The following EML5 variants were observed in gnomAD, a reference collection of about 807,000 sequenced individuals.
EML5 encodes EMAP like 5.
In EML5, 120 loss-of-function variants were observed where a neutral mutation model predicts 250.0. The observed-to-expected ratio is 0.48, with a 90% CI of 0.41 to 0.56. The LOEUF is 0.56. Among genes scored for constraint, EML5 ranks in the 20% least tolerant of loss-of-function variants. The pLI, the probability that EML5 is intolerant of heterozygous loss-of-function variation, is 0.00. For synonymous variants in EML5, 771 were observed against 806.5 expected (o/e 0.96, Z 0.75); for missense variants, 2,006 against 2,437.6 (o/e 0.82, Z 3.73).
rs2087244616 is a variant in EML5, at chr14:88,614,172, A to G, written c.*1646T>C. On this transcript the variant is annotated 3_prime_UTR_variant, in exon 44 of 44. Transcript: ENST00000554922. Reference sequence around the variant, plus strand: ...ACTGCAGCAGGCTCAAATGTAGAGTATTTTTCTTTTTATGGGCAGGTTGTT... The same window carrying G: ...ACTGCAGCAGGCTCAAATGTAGAGTGTTTTTCTTTTTATGGGCAGGTTGTT... 1 of 152,170 alleles carries G rather than the reference A, an allele frequency of 6.6e-6. No individual in the cohort carries two copies. Among genetic ancestry groups the G allele is most frequent in the African/African-American group, 2.4e-5 (1 of 41,446 alleles). The allele number at this position is 152,170 out of a possible 1,614,324, so 9.4% of individuals were successfully genotyped here.
rs776185222 is a variant in EML5 at position 88,712,077 on chromosome 14, T to C, written c.1657+194A>G. On this transcript the variant is annotated intron_variant, in intron 10 of 43. Transcript: ENST00000554922. ...TAACAACATATGAATTCAAAAAGAA[T>C]TTTCTAATAAAACTTCATGACCAAA... Among the ~76,000 whole-genome samples the C allele has an allele frequency of 9.2e-5, 14 of 152,306 alleles. No homozygotes were observed. In the East Asian group the frequency reaches 2.3e-3, roughly 25 times the overall value.
chr14:88,700,834 T>C (rs1015769420), intron 14 of EML5, among the ~76,000 whole-genome samples: 5 of 152,174 alleles, frequency 3.3e-5, no homozygotes, highest in African/African-American at 1.2e-4. Flanking sequence ...TGTGTTAATA[T>C]ATAGGATAAC....
At chr14:88,691,337 T>C (rs758186033) in intron 17 of EML5, among the ~76,000 whole-genome samples, 5 of 152,206 alleles carry the variant, frequency 3.3e-5, no homozygotes, top group Non-Finnish European at 7.3e-5. Flanking sequence ...TTTTCTCTCT[T>C]GTTCTATAAT....
At chr14:88,716,909 T>C (rs1037705533) in intron 8 of EML5, among the ~76,000 whole-genome samples, 1 of 152,236 alleles carries the variant, frequency 6.6e-6, no homozygotes, top group African/African-American at 2.4e-5. Context: ...AACTATTAGA[T>C]GAAAATTTGT....
rs2093032468 is a variant in EML5 at position 88,694,551 on chromosome 14, T to A, written c.2439-144A>T. 2.7e-5 allele frequency: 17 copies of A among 618,674 alleles called. No individual in the cohort carries two copies. The South Asian group carries it at 3.5e-4, about 13-fold the overall frequency. The allele number at this position is 618,674 out of a possible 1,614,324, so 38.3% of individuals were successfully genotyped here. A position where few individuals can be genotyped will look rare whatever the true frequency, so the allele number is the denominator to read the frequency against. On this transcript the variant is annotated intron_variant, in intron 16 of 43. Transcript: ENST00000554922. ...TCTCAGGTTTGGGCTGTGTATTTGT[T>A]CTTTTGTCATCATTTTAATATGGTA...
chr14:88,624,852 T>C (rs2089679057), intron 36 of EML5, 118 bp downstream of exon 36: 1 of 1,044,040 alleles, frequency 9.6e-7, no homozygotes, highest in Non-Finnish European at 1.3e-6. Flanking sequence ...GAGAAGCATA[T>C]GAGGAGGAAG....
chr14:88,688,135 G>A (rs1192428965), intron 18 of EML5, 136 bp downstream of exon 18: 1 of 800,316 alleles, frequency 1.2e-6, no homozygotes, highest in South Asian at 1.7e-5. Flanking sequence ...AACAAAGAAA[G>A]GTCAAGATGA....
chr14:88,702,715 C>T (rs1488942834), intron 13 of EML5, 83 bp from the exon 14 acceptor site: 1 of 970,460 alleles, frequency 1.0e-6, no homozygotes, highest in African/African-American at 1.7e-5. Flanking sequence ...AAGTAGGTAC[C>T]CTTTGGGTGA....
chr14:88,618,317 G>T lies in EML5; in HGVS notation c.5553C>A (p.Cys1851Ter). Residue 1851 changes from cysteine to a stop codon, truncating the protein, a stop_gained, in exon 41 of 44, where the codon TGC (cysteine) becomes TGA (stop). Transcript: ENST00000554922. LOFTEE classifies it high-confidence loss of function. Reference sequence around the variant, plus strand: ...GCACTTCATAGACATGCCGTTTATAGCAGCCACTAGAGACCTTTTTCATCA... The same window carrying T: ...GCACTTCATAGACATGCCGTTTATATCAGCCACTAGAGACCTTTTTCATCA... ...DSSYLQVSSG[C>*]YKRHVYEVPS... 6.2e-7 allele frequency: 1 copy of T among 1,613,094 alleles called. No individual in the cohort carries two copies.
intron 33 of EML5, 94 bp downstream of exon 33, chr14:88,634,375 G>T: frequency 2.5e-6 from 2 of 790,054 alleles, no homozygotes; most frequent in Non-Finnish European, 3.9e-6. Flanking sequence ...TAATAGTAAT[G>T]CAAGAACGGA....
At chr14:88,639,142 C>A (rs538371411) in intron 31 of EML5, among the ~76,000 whole-genome samples, 141 of 152,258 alleles carry the variant, frequency 9.3e-4, no homozygotes, top group African/African-American at 3.2e-3. Context: ...CCAAGTGCCA[C>A]AAGAGAGTTG....
intron 6 of EML5, among the ~76,000 whole-genome samples, chr14:88,737,508 C>T (rs897246715): frequency 6.6e-5 from 10 of 152,322 alleles, no homozygotes; most frequent in South Asian, 6.2e-4. Flanking sequence ...CAGTGCAGCC[C>T]GGGACAGGGG....
At chr14:88,709,298 T>A (rs879788936) in intron 10 of EML5, among the ~76,000 whole-genome samples, 4 of 151,858 alleles carry the variant, frequency 2.6e-5, no homozygotes, top group Non-Finnish European at 5.9e-5. Context: ...AACACATCAT[T>A]AAGAAAATAA....
chr14:88,727,634 G>A (rs2140098729), intron 7 of EML5, among the ~76,000 whole-genome samples: 1 of 152,192 alleles, frequency 6.6e-6, no homozygotes, highest in East Asian at 1.9e-4. Context: ...CCAACCTCTG[G>A]TGATCCACCC....
chr14:88,633,548 A>T (rs979978165), intron 33 of EML5, among the ~76,000 whole-genome samples: 1 of 152,202 alleles, frequency 6.6e-6, no homozygotes, highest in Non-Finnish European at 1.5e-5. Flanking sequence ...ACAAAATAAA[A>T]TAACAAGAGA....
chr14:88,782,509 G>A (rs1314548011), intron 1 of EML5, among the ~76,000 whole-genome samples: 3 of 152,150 alleles, frequency 2.0e-5, no homozygotes, highest in Non-Finnish European at 2.9e-5. Context: ...AGACTTTTGC[G>A]GCAGCCCCTC....
rs748478280 is a variant in EML5, at chr14:88,622,688, CCA to C, written c.4927_4928del (p.Trp1643GlyfsTer13). ...PSKEGGAVKL[W>X]DQELRRCRAF... ...CACGGCACCGCCTCAGTTCCTGATCCCACAGTTTAACCGCTCCTCCTTCTTTT... is the reference window on the plus strand; with the variant it reads ...CACGGCACCGCCTCAGTTCCTGATCCCAGTTTAACCGCTCCTCCTTCTTTT... On this transcript the variant is annotated frameshift_variant, in exon 37 of 44. Transcript: ENST00000554922. LOFTEE classifies it high-confidence loss of function. The C allele has an allele frequency of 1.9e-6, 3 of 1,609,360 alleles. No individual in the cohort carries two copies. Among genetic ancestry groups the C allele is most frequent in the East Asian group, 2.2e-5 (1 of 44,680 alleles).
At chr14:88,636,314 T>C (rs954790625) in intron 32 of EML5, among the ~76,000 whole-genome samples, 1 of 152,216 alleles carries the variant, frequency 6.6e-6, no homozygotes, top group Non-Finnish European at 1.5e-5. Context: ...CTTGCTCTCA[T>C]GTACACCTTG....
intron 2 of EML5, among the ~76,000 whole-genome samples, chr14:88,748,702 T>C (rs2094044719): frequency 6.6e-6 from 1 of 151,984 alleles, no homozygotes; most frequent in African/African-American, 2.4e-5. Context: ...AAAATTAACA[T>C]TTTCAAGACA....
Sources: gnomAD v4.1 joint callset for allele counts (sites outside exome capture counted in the v4.1 genomes callset) on GRCh38, gnomAD v4.1.1 for gene constraint, MANE v1.5 for transcripts, NCBI Gene and HGNC (gene_info 2026-07-23, HGNC 2026-07-21) for gene names.